Variants in CSMD1 observed in about 807,000 individuals in gnomAD.
The protein encoded by CSMD1 is CUB and Sushi multiple domains 1.
Under a neutral mutation model 417.5 loss-of-function variants are expected in CSMD1, and 213 were observed. The ratio of observed to expected loss-of-function variants is 0.51; its 90% CI spans 0.46 to 0.57. The LOEUF is 0.57. Ranked by LOEUF, CSMD1 falls within the 20% of genes least tolerant of loss-of-function variation. CSMD1 has a pLI of 0.00. For synonymous variants in CSMD1, 2,862 were observed against 1,736.8 expected, an observed-to-expected ratio of 1.65 and a Z score of -16.11; for missense variants, 6,923 against 4,529.7, an observed-to-expected ratio of 1.53 and a Z score of -15.17.
At chr8:4,220,561 G>T (rs148794503) in intron 3 of CSMD1, among the ~76,000 whole-genome samples, 19 of 152,344 alleles carry the variant, frequency 1.2e-4, no homozygotes, top group East Asian at 9.7e-4. Context: ...TTTAGGTTTT[G>T]TGTGAAATAA....
chr8:4,344,617 C>T (rs559263504), intron 3 of CSMD1, among the ~76,000 whole-genome samples: 13 of 151,596 alleles, frequency 8.6e-5, no homozygotes, highest in East Asian at 7.8e-4. Context: ...GTTACACTAC[C>T]GCTATGCTCA....
At chr8:3,352,890 T>C (rs968197525) in intron 21 of CSMD1, among the ~76,000 whole-genome samples, 10 of 151,586 alleles carry the variant, frequency 6.6e-5, no homozygotes, top group Admixed American at 4.6e-4. Context: ...CGAAAACACA[T>C]GGGGGTATAT....
At chr8:4,534,855 C>A (rs971372776) in intron 2 of CSMD1, among the ~76,000 whole-genome samples, 1 of 152,088 alleles carries the variant, frequency 6.6e-6, no homozygotes, top group Non-Finnish European at 1.5e-5. Context: ...CTCCGCCTCC[C>A]GGGTTCATGT....
At chr8:3,019,570 C>G (rs981026599) in intron 51 of CSMD1, among the ~76,000 whole-genome samples, 1 of 152,178 alleles carries the variant, frequency 6.6e-6, no homozygotes, top group Non-Finnish European at 1.5e-5. Context: ...AGAATGCTGA[C>G]TACACAGGGC....
At chr8:4,407,246 G>C (rs1039118632) in intron 3 of CSMD1, among the ~76,000 whole-genome samples, 15 of 152,124 alleles carry the variant, frequency 9.9e-5, no homozygotes, top group Non-Finnish European at 1.3e-4. Flanking sequence ...GATGTCAATG[G>C]AATGTTTAAA....
chr8:3,587,897 C>A (rs1371951856), intron 8 of CSMD1, among the ~76,000 whole-genome samples: 3 of 151,914 alleles, frequency 2.0e-5, no homozygotes, highest in African/African-American at 7.3e-5. Flanking sequence ...AGAAACCCGG[C>A]ATCATAAGAA....
At chr8:4,261,033 A>G (rs964186355) in intron 3 of CSMD1, among the ~76,000 whole-genome samples, 8 of 152,214 alleles carry the variant, frequency 5.3e-5, no homozygotes, top group African/African-American at 1.9e-4. Flanking sequence ...GACATCACTT[A>G]CTATGCTTTA....
intron 3 of CSMD1, among the ~76,000 whole-genome samples, chr8:4,146,140 T>C (rs765193856): frequency 6.0e-5 from 9 of 150,916 alleles, no homozygotes; most frequent in Non-Finnish European, 1.0e-4. Context: ...AGCCTACATA[T>C]GATGGGTGAC....
chr8:4,673,079 G>T (rs1186068372), intron 1 of CSMD1, among the ~76,000 whole-genome samples: 1 of 150,526 alleles, frequency 6.6e-6, no homozygotes, highest in Non-Finnish European at 1.5e-5. Flanking sequence ...ACACACACAA[G>T]GTGAAACAAC....
intron 7 of CSMD1, among the ~76,000 whole-genome samples, chr8:3,682,081 A>G (rs1799693436): frequency 6.6e-6 from 1 of 152,210 alleles, no homozygotes; most frequent in African/African-American, 2.4e-5. Context: ...CTAAAATCGT[A>G]AAAACCCTAG....
Position 3,052,518 on chromosome 8 carries a change from G to A in CSMD1, c.7604C>T (p.Ala2535Val), listed in dbSNP as rs776030393. ...FKLESSQQAT[A>V]VCQEDGLWSN... ...CCACAACCCATCTTCTTGACACACG[G>A]CTGTTGCTTGCTGGCTGGATTCAAG... Residue 2535 changes from alanine (A) to valine (V), a missense_variant, in exon 50 of 70, where the codon GCC becomes GTC. Physicochemically the swap from Ala to Val is moderately conservative, Grantham distance 64. Coordinates refer to ENST00000635120, the MANE Select transcript of CSMD1 (RefSeq NM_033225.6). 6.2e-7 allele frequency: 1 copy of A among 1,601,558 alleles called. No homozygotes were observed. The highest frequency in any genetic ancestry group is 1.1e-5 in the South Asian group (1 of 88,470).
chr8:3,176,782 C>CTTTTT (rs35353241), intron 37 of CSMD1, among the ~76,000 whole-genome samples: 1 of 146,176 alleles, frequency 6.8e-6, no homozygotes. Flanking sequence ...CTTTTTCTTT[C>CTTTTT]TTTTTTTTTT....
intron 3 of CSMD1, among the ~76,000 whole-genome samples, chr8:4,389,911 G>A (rs1046081331): frequency 1.3e-5 from 2 of 152,070 alleles, no homozygotes; most frequent in African/African-American, 4.8e-5. Context: ...GTTTTCCACT[G>A]TTATAATTCT....
At chr8:4,356,825 A>G (rs950143808) in intron 3 of CSMD1, among the ~76,000 whole-genome samples, 1 of 152,188 alleles carries the variant, frequency 6.6e-6, no homozygotes, top group African/African-American at 2.4e-5. Context: ...ACAATGGCGC[A>G]CATTCCTAGT....
At chr8:4,870,111 T>A (rs1359918933) in intron 1 of CSMD1, among the ~76,000 whole-genome samples, 1 of 152,154 alleles carries the variant, frequency 6.6e-6, no homozygotes, top group Non-Finnish European at 1.5e-5. Flanking sequence ...ACTCTTGATT[T>A]ATTTATATTC....
chr8:4,237,843 T>G (rs954472359), intron 3 of CSMD1, among the ~76,000 whole-genome samples: 4 of 152,200 alleles, frequency 2.6e-5, no homozygotes, highest in Admixed American at 6.5e-5. Flanking sequence ...GGAAGCTTTA[T>G]ATTGTATTAT....
At chr8:3,404,126 G>C (rs900431262) in intron 15 of CSMD1, among the ~76,000 whole-genome samples, 1 of 152,078 alleles carries the variant, frequency 6.6e-6, no homozygotes, top group Non-Finnish European at 1.5e-5. Flanking sequence ...CTGAGGTCAG[G>C]AGTTTGAGAC....
intron 3 of CSMD1, among the ~76,000 whole-genome samples, chr8:4,215,504 A>G (rs1800613774): frequency 4.0e-4 from 1 of 2,520 alleles, no homozygotes; most frequent in East Asian, 0.012. Flanking sequence ...GAATACATAG[A>G]GAGTTTTTTT....
intron 6 of CSMD1, among the ~76,000 whole-genome samples, chr8:3,733,012 C>G (rs1028139737): frequency 6.6e-6 from 1 of 151,932 alleles, no homozygotes; most frequent in African/African-American, 2.4e-5. Context: ...TACGTGTGCC[C>G]TGATCAAGGG....
Sources: gnomAD v4.1 joint callset for allele counts (sites outside exome capture counted in the v4.1 genomes callset) on GRCh38, gnomAD v4.1.1 for gene constraint, MANE v1.5 for transcripts, NCBI Gene and HGNC (gene_info 2026-07-23, HGNC 2026-07-21) for gene names.